The following SH3RF3 variants were observed in gnomAD, a reference collection of about 807,000 sequenced individuals.
SH3RF3 encodes E3 ubiquitin-protein ligase SH3RF3.
In SH3RF3, 29 loss-of-function variants were observed where a neutral mutation model predicts 66.3. The ratio of observed to expected loss-of-function variants is 0.44; its 90% confidence interval spans 0.33 to 0.60. SH3RF3 has a LOEUF of 0.60. Ranked by LOEUF, SH3RF3 falls within the 20% of genes least tolerant of loss-of-function variation. The pLI is 0.04. For missense variants in SH3RF3, 1,194 were observed against 1,190.9 expected, an observed-to-expected ratio of 1.00 and a Z score of -0.04; for synonymous variants, 583 against 532.0, an observed-to-expected ratio of 1.10 and a Z score of -1.32.
chr2:109,469,881 A>G (rs1041564906), intron 8 of SH3RF3, among the ~76,000 whole-genome samples: 1 of 152,184 alleles, frequency 6.6e-6, no homozygotes, highest in African/African-American at 2.4e-5. Context: ...CTGCAACCAC[A>G]ACCTCAGACA....
chr2:109,170,949 C>T (rs1677766813), intron 1 of SH3RF3, among the ~76,000 whole-genome samples: 1 of 152,166 alleles, frequency 6.6e-6, no homozygotes, highest in Admixed American at 6.5e-5. Flanking sequence ...CCACACCGGG[C>T]TGGGTGCTGA....
chr2:109,185,349 T>C (rs893794017), intron 1 of SH3RF3, among the ~76,000 whole-genome samples: 5 of 152,172 alleles, frequency 3.3e-5, no homozygotes, highest in African/African-American at 1.2e-4. Flanking sequence ...AAAGATTGGA[T>C]TGTTAGAGCA....
chr2:109,200,254 T>G (rs903163251), intron 1 of SH3RF3, among the ~76,000 whole-genome samples: 1 of 152,092 alleles, frequency 6.6e-6, no homozygotes, highest in African/African-American at 2.4e-5. Flanking sequence ...GCACCTGTAG[T>G]TGGGGCTTTC....
At chr2:109,166,400 G>A (rs1280174188) in intron 1 of SH3RF3, among the ~76,000 whole-genome samples, 2 of 151,498 alleles carry the variant, frequency 1.3e-5, no homozygotes, top group South Asian at 2.1e-4. Flanking sequence ...TCACTTGAAC[G>A]TGGGAGGCGG....
chr2:109,382,642 A>G (rs187073230), intron 3 of SH3RF3, among the ~76,000 whole-genome samples: 2 of 152,184 alleles, frequency 1.3e-5, no homozygotes, highest in Admixed American at 1.3e-4. Context: ...ACATCTTCAA[A>G]TCCTTCTGGT....
chr2:109,419,622 G>T lies in SH3RF3; in HGVS notation c.1383G>T (p.Lys461Asn). 1 of 1,585,350 alleles carries T rather than the reference G, an allele frequency of 6.3e-7. No individual in the cohort carries two copies. ...SVSGEQGTPP[K>N]VQLPLNVYLA... Reference sequence around the variant, plus strand: ...CTGGAGAGCAGGGCACGCCTCCCAAGGTCCAGCTGCCCCTCAACGTGTGAG... The same window carrying T: ...CTGGAGAGCAGGGCACGCCTCCCAATGTCCAGCTGCCCCTCAACGTGTGAG... The change falls in exon 5 of 10, where the codon AAG (lysine) becomes AAT (asparagine). Residue 461 changes from lysine to asparagine, a missense_variant. Coordinates refer to ENST00000309415, the MANE Select transcript of SH3RF3 (RefSeq NM_001099289.3).
At position 109,219,739 on chromosome 2, in the gene SH3RF3, G is replaced by T. The variant is rs530189832; in HGVS notation, c.573+89626G>T. Among the ~76,000 whole-genome samples the T allele has an allele frequency of 2.3e-4, 35 of 152,318 alleles. No homozygotes were observed. In the South Asian group the frequency reaches 7.3e-3, roughly 32 times the overall value. On this transcript the variant is annotated intron_variant, in intron 1 of 9. Transcript: ENST00000309415. ...CTTGGGAATAAACTTGACCAAAGAG[G>T]TGAAAGATTGGCACACTGAAAACTA...
intron 1 of SH3RF3, among the ~76,000 whole-genome samples, chr2:109,169,753 T>TACACAC (rs56897089): frequency 3.3e-5 from 5 of 149,798 alleles, no homozygotes; most frequent in African/African-American, 1.2e-4. Context: ...AAAACAACCA[T>TACACAC]ACACACACAC....
At chr2:109,296,038 T>G (rs1239090765) in intron 1 of SH3RF3, among the ~76,000 whole-genome samples, 1 of 152,066 alleles carries the variant, frequency 6.6e-6, no homozygotes, top group African/African-American at 2.4e-5. Flanking sequence ...GAAGGTGCTG[T>G]AATGAAGTTT....
chr2:109,383,136 T>A (rs1675740040), intron 3 of SH3RF3, among the ~76,000 whole-genome samples: 1 of 152,238 alleles, frequency 6.6e-6, no homozygotes, highest in Admixed American at 6.5e-5. Flanking sequence ...TGTGAGTGCT[T>A]GCAGCTTTTC....
intron 1 of SH3RF3, among the ~76,000 whole-genome samples, chr2:109,307,846 C>G (rs992181690): frequency 4.4e-5 from 6 of 136,148 alleles, no homozygotes; most frequent in African/African-American, 1.9e-4. Flanking sequence ...GGGTTGGTTC[C>G]AAGTCTTTGC....
In SH3RF3 at chr2:109,371,688, C is replaced by A; in HGVS notation, c.945+7C>A. The A allele has an allele frequency of 6.2e-7, 1 of 1,612,396 alleles. No homozygotes were observed. Among genetic ancestry groups the A allele is most frequent in the Non-Finnish European group, 8.5e-7 (1 of 1,179,172 alleles). The stretch of plus-strand genomic sequence containing the variant: ...CCCGCTCCTGTACGTGGAGGTAAGA[C>A]CGTGCCGCCCTCCCACACTTGGCTC... On this transcript the variant is annotated splice_region_variant and intron_variant, in intron 3 of 9. Transcript: ENST00000309415.
At chr2:109,494,107 C>T (rs36145675) in intron 9 of SH3RF3, among the ~76,000 whole-genome samples, 40,936 of 152,038 alleles carry the variant, frequency 0.27, 5,838 homozygotes, top group East Asian at 0.5. Flanking sequence ...CCCCTAGGAT[C>T]CTTCTTCCCC....
At chr2:109,348,758 C>T (rs1199379482) in intron 2 of SH3RF3, among the ~76,000 whole-genome samples, 2 of 152,144 alleles carry the variant, frequency 1.3e-5, no homozygotes, top group African/African-American at 2.4e-5. Flanking sequence ...TCCCCTTCCT[C>T]CTTTCCATCT....
At chr2:109,219,103 G>C (rs1679167998) in intron 1 of SH3RF3, among the ~76,000 whole-genome samples, 1 of 152,162 alleles carries the variant, frequency 6.6e-6, no homozygotes, top group Non-Finnish European at 1.5e-5. Flanking sequence ...AACTGGCATT[G>C]CACATGACTG....
chr2:109,362,248 T>C (rs958844743), intron 2 of SH3RF3, among the ~76,000 whole-genome samples: 1 of 152,242 alleles, frequency 6.6e-6, no homozygotes, highest in Non-Finnish European at 1.5e-5. Flanking sequence ...CTCACAAATG[T>C]TGGTAAATTA....
chr2:109,328,704 G>A (rs920138254), intron 1 of SH3RF3, among the ~76,000 whole-genome samples: 1 of 152,104 alleles, frequency 6.6e-6, no homozygotes, highest in Admixed American at 6.5e-5. Flanking sequence ...TATGCTCCTG[G>A]TCATCACTGT....
chr2:109,389,420 G>A (rs146471653), intron 3 of SH3RF3, among the ~76,000 whole-genome samples: 131 of 152,332 alleles, frequency 8.6e-4, no homozygotes, highest in African/African-American at 2.9e-3. Context: ...CATCTTGACC[G>A]AGGGCATACC....
chr2:109,353,625 T>A (rs1376778426), intron 2 of SH3RF3, among the ~76,000 whole-genome samples: 1 of 152,098 alleles, frequency 6.6e-6, no homozygotes, highest in Non-Finnish European at 1.5e-5. Flanking sequence ...AGTGCCTCTG[T>A]CTCCTCACCC....
Sources: allele counts gnomAD v4.1 joint callset (sites outside exome capture counted in the v4.1 genomes callset), GRCh38; gene constraint gnomAD v4.1.1; transcripts MANE v1.5; gene names NCBI Gene and HGNC (gene_info 2026-07-23, HGNC 2026-07-21).